INAVA: variants seen among roughly 807,000 people sequenced by gnomAD.
INAVA encodes the protein innate immunity activator protein.
Under a neutral mutation model 55.3 loss-of-function variants are expected in INAVA, and 32 were observed. That is an observed-to-expected ratio of 0.58 (90% confidence interval 0.44 to 0.78). The LOEUF (loss-of-function observed/expected upper bound fraction) is 0.78, where lower values mean the gene tolerates loss of function less well. Ranked by LOEUF, INAVA falls within the 30% of genes least tolerant of loss-of-function variation. The pLI is 0.00. For missense variants in INAVA, 756 were observed against 786.4 expected, an observed-to-expected ratio of 0.96 and a Z score of 0.46; for synonymous variants, 294 against 329.4, an observed-to-expected ratio of 0.89 and a Z score of 1.16.
At position 200,899,532 on chromosome 1, in the gene INAVA, A is replaced by G. The variant is rs751227507; in HGVS notation, c.115A>G (p.Arg39Gly). The change falls in exon 3 of 10, where the codon AGG becomes GGG. Residue 39 changes from arginine (R) to glycine (G), a missense_variant. By Grantham distance (125) the Arg-to-Gly change is moderately radical (BLOSUM62 -2). Transcript: ENST00000413687. Reference sequence around the variant, plus strand: ...GACCCATGCAGTGCACAAGCAGCAGAGGGCCCTGGAAGCGAGGCTGGAGGC... The same window carrying G: ...GACCCATGCAGTGCACAAGCAGCAGGGGGCCCTGGAAGCGAGGCTGGAGGC... ...ELTHAVHKQQ[R>G]ALEARLEACL... 4.3e-6 allele frequency: 7 copies of G among 1,613,842 alleles called. No individual in the cohort carries two copies. The Admixed American group carries it at 1.2e-4, about 27-fold the overall frequency.
rs1346052139 is a variant in INAVA at position 200,913,724 on chromosome 1, C to T, written c.*95C>T. The T allele has an allele frequency of 2.1e-5, 21 of 995,752 alleles. No homozygotes were observed. The highest frequency in any genetic ancestry group is 9.7e-5 in the African/African-American group (6 of 61,706). 61.7% of individuals were successfully genotyped at this position (995,752 alleles called of 1,614,324 possible). ...CCTCTTTCAGCTCCCCCATCCCCATCGCAGGCCGATGACCTGGAGCTGAGA... is the reference window on the plus strand; with the variant it reads ...CCTCTTTCAGCTCCCCCATCCCCATTGCAGGCCGATGACCTGGAGCTGAGA... On this transcript the variant is annotated 3_prime_UTR_variant, in exon 10 of 10. Transcript: ENST00000413687.
At position 200,899,483 on chromosome 1, in the gene INAVA, C is replaced by T. The variant is rs1196435860; in HGVS notation, c.66C>T (p.Ser22=). Residue 22 remains serine (S), a synonymous_variant, in exon 3 of 10, where the codon AGC becomes AGT. Transcript: ENST00000413687. ...SGIILQSGPD[S]PVSPMKELTH... Reference sequence around the variant, plus strand: ...CCCCAACCCTTGCAGGCCCCGACAGCCCGGTCTCCCCAATGAAGGAGCTGA... The same window carrying T: ...CCCCAACCCTTGCAGGCCCCGACAGTCCGGTCTCCCCAATGAAGGAGCTGA... 28 of 1,614,080 alleles carry T rather than the reference C, an allele frequency of 1.7e-5. No individual in the cohort carries two copies. Among genetic ancestry groups the T allele is most frequent in the Non-Finnish European group, 2.4e-5 (28 of 1,180,014 alleles).
chr1:200,899,510 C>G lies in INAVA; in HGVS notation c.93C>G (p.Thr31=). The G allele has an allele frequency of 1.2e-6, 2 of 1,614,048 alleles. No individual in the cohort carries two copies. The highest frequency in any genetic ancestry group is 2.2e-5 in the South Asian group (2 of 91,084). ...DSPVSPMKEL[T]HAVHKQQRAL... ...CGGTCTCCCCAATGAAGGAGCTGAC[C>G]CATGCAGTGCACAAGCAGCAGAGGG... The change falls in exon 3 of 10, where the codon ACC becomes ACG. Residue 31 remains threonine (T), a synonymous_variant. Transcript: ENST00000413687.
At chr1:200,906,869 A>G (rs955740378) in intron 5 of INAVA, among the ~76,000 whole-genome samples, 1 of 152,144 alleles carries the variant, frequency 6.6e-6, no homozygotes. Flanking sequence ...TCTGTTGCCC[A>G]GGCTGGAGTG....
exon 10 of INAVA, chr1:200,915,725 GTGATTGGCTGAGCTGGGGATGAGGGAT>G (rs1653911652): frequency 6.6e-6 from 1 of 152,506 alleles, no homozygotes; most frequent in African/African-American, 2.4e-5. Flanking sequence ...TCTGTTTTTT[GTGATTGGCTGAGCTGGGGATGAGGGAT>G]TTTTTATTTT....
intron 4 of INAVA, 63 bp downstream of exon 4, chr1:200,900,283 C>T (rs1653185449): frequency 7.1e-7 from 1 of 1,411,162 alleles, no homozygotes; most frequent in Non-Finnish European, 1.0e-6. Flanking sequence ...TGAGACGCCA[C>T]ACCTCAGCTC....
At chr1:200,899,744 T>A in intron 3 of INAVA, 147 bp downstream of exon 3, 1 of 1,220,462 alleles carries the variant, frequency 8.2e-7, no homozygotes, top group Non-Finnish European at 1.1e-6. Context: ...AGAGTCCCCA[T>A]GATGCAGTGT....
chr1:200,909,179 A>C, intron 7 of INAVA, 45 bp from the exon 8 acceptor site: 8 of 1,474,978 alleles, frequency 5.4e-6, no homozygotes, highest in Non-Finnish European at 7.2e-6. Context: ...TGAGCCCCTG[A>C]ATGGAGGCAT....
In INAVA at chr1:200,903,439, A is replaced by C. The variant is rs951012832; in HGVS notation, c.520+2280A>C. Among the ~76,000 whole-genome samples, 5 of 151,776 alleles carry C rather than the reference A, an allele frequency of 3.3e-5. No individual in the cohort carries two copies. In the South Asian group the frequency reaches 1.0e-3, roughly 32 times the overall value. On this transcript the variant is annotated intron_variant, in intron 5 of 9. Transcript: ENST00000413687. ...GTGGAGCCCAGGATCAAGGGAGCCGAGATCGTGCCACTGCACTCCAGCCTG... is the reference window on the plus strand; with the variant it reads ...GTGGAGCCCAGGATCAAGGGAGCCGCGATCGTGCCACTGCACTCCAGCCTG...
Position 200,909,302 on chromosome 1 carries a change from T to C in INAVA, c.864T>C (p.Val288=), listed in dbSNP as rs1653621040. 6.2e-7 allele frequency: 1 copy of C among 1,612,100 alleles called. No homozygotes were observed. The highest frequency in any genetic ancestry group is 8.5e-7 in the Non-Finnish European group (1 of 1,179,050). ...TGGAGCCTGCCTCCTACCACGTGGT[T>C]CCCATCCGTGGTGTTCCTGGCCAGT... ...WLLEPASYHV[V]PIRGVPGQWQ... The change falls in exon 8 of 10, where the codon GTT becomes GTC. Residue 288 remains valine (V), a synonymous_variant. Coordinates refer to ENST00000413687, the MANE Select transcript of INAVA (RefSeq NM_001142569.3).
chr1:200,900,787 CA>C, intron 4 of INAVA, 149 bp from the exon 5 acceptor site: 1 of 577,442 alleles, frequency 1.7e-6, no homozygotes, highest in Non-Finnish European at 2.9e-6. Context: ...CCCTCTGCTC[CA>C]CGTCCGTCCA....
At chr1:200,894,514 C>T (rs1208046844), upstream of INAVA, among the ~76,000 whole-genome samples, 5 of 152,124 alleles carry the variant, frequency 3.3e-5, no homozygotes, top group Non-Finnish European at 7.4e-5. Context: ...TTGTAAATGT[C>T]CTGCTTGTTT....
intron 9 of INAVA, 118 bp from the exon 10 acceptor site, chr1:200,913,419 G>A: frequency 2.7e-6 from 2 of 735,646 alleles, no homozygotes; most frequent in Non-Finnish European, 4.7e-6. Flanking sequence ...GCCTGCTGCT[G>A]CTGCTGCTTC....
intron 5 of INAVA, among the ~76,000 whole-genome samples, chr1:200,902,490 C>T (rs1395321854): frequency 6.6e-6 from 1 of 152,246 alleles, no homozygotes; most frequent in Non-Finnish European, 1.5e-5. Flanking sequence ...GGGAAAATGG[C>T]CAGACCTCTG....
At position 200,909,306 on chromosome 1, in the gene INAVA, A is replaced by G; in HGVS notation, c.868A>G (p.Ile290Val). The G allele has an allele frequency of 1.2e-6, 2 of 1,612,312 alleles. No individual in the cohort carries two copies. The highest frequency in any genetic ancestry group is 1.7e-6 in the Non-Finnish European group (2 of 1,179,188). ...LEPASYHVVP[I>V]RGVPGQWQGR... Reference sequence around the variant, plus strand: ...GCCTGCCTCCTACCACGTGGTTCCCATCCGTGGTGTTCCTGGCCAGTGGCA... The same window carrying G: ...GCCTGCCTCCTACCACGTGGTTCCCGTCCGTGGTGTTCCTGGCCAGTGGCA... Residue 290 changes from isoleucine (I) to valine (V), a missense_variant, in exon 8 of 10, where the codon ATC becomes GTC. Ile to Val is a conservative substitution (Grantham distance 29). Around this residue, in one of 2 missense-constraint regions of INAVA, gnomAD observed 639 missense variants for 624.3 expected, o/e 1.02. Coordinates refer to ENST00000413687, the MANE Select transcript of INAVA (RefSeq NM_001142569.3).
chr1:200,903,959 A>G (rs1214039161), intron 5 of INAVA, among the ~76,000 whole-genome samples: 2 of 152,208 alleles, frequency 1.3e-5, no homozygotes, highest in Non-Finnish European at 2.9e-5. Context: ...GGCAGGGAGC[A>G]GTCAGGTGTT....
Position 200,896,058 on chromosome 1 carries a change from G to A in INAVA, c.-95+971G>A, listed in dbSNP as rs547066993. On this transcript the variant is annotated intron_variant, in intron 1 of 9. Coordinates refer to ENST00000413687, the MANE Select transcript of INAVA (RefSeq NM_001142569.3). ...CTGGGCTGAGCTGGGAGAAGGGGAA[G>A]CTGGCGGAGACGGGAGGCGTGCTAA... 3.3e-5 allele frequency among the ~76,000 whole-genome samples: 5 copies of A among 152,300 alleles called. No individual in the cohort carries two copies. In the East Asian group the frequency reaches 9.7e-4, roughly 29 times the overall value.
At position 200,895,031 on chromosome 1, in the gene INAVA, C is replaced by T. The variant is rs1350076826; in HGVS notation, c.-151C>T. On this transcript the variant is annotated 5_prime_UTR_variant, in exon 1 of 10. Transcript: ENST00000413687. ...TGAGGCGACATGTGAGGGCCCTGAG[C>T]CCCCTGACTGGAAGCAGGGGCTGTT... is the stretch of plus-strand genomic sequence containing the variant. 3.0e-6 allele frequency: 3 copies of T among 985,532 alleles called. No individual in the cohort carries two copies. Among genetic ancestry groups the T allele is most frequent in the African/African-American group, 1.7e-5 (1 of 57,200 alleles). 61.0% of individuals were successfully genotyped at this position (985,532 alleles called of 1,614,324 possible).
At chr1:200,901,258 G>T (rs1298302146) in intron 5 of INAVA, 99 bp downstream of exon 5, 1 of 1,170,776 alleles carries the variant, frequency 8.5e-7, no homozygotes, top group Admixed American at 3.0e-5. Context: ...TTTGGCTCCA[G>T]CTGGGTAAAG....
Sources: allele counts gnomAD v4.1 joint callset (sites outside exome capture counted in the v4.1 genomes callset), GRCh38; gene constraint gnomAD v4.1.1; regional missense constraint gnomAD v4.1.1; transcripts MANE v1.5; gene names NCBI Gene and HGNC (gene_info 2026-07-23, HGNC 2026-07-21).